The following VRK1 variants were observed in gnomAD, a reference collection of about 807,000 sequenced individuals.
VRK1 encodes the protein serine/threonine-protein kinase VRK1.
In VRK1, 33 loss-of-function variants were observed where a neutral mutation model predicts 57.1. The ratio of observed to expected loss-of-function variants is 0.58; its 90% confidence interval spans 0.44 to 0.77. The LOEUF is 0.77. Among genes scored for constraint, VRK1 ranks in the 30% least tolerant of loss-of-function variants. The probability of loss-of-function intolerance (pLI) is 0.00; values close to 1 mark genes in which losing one functional copy is unlikely to be tolerated. For synonymous variants in VRK1, 137 were observed against 147.8 expected (o/e 0.93, Z 0.53); for missense variants, 413 against 477.3 (o/e 0.87, Z 1.25).
intron 1 of VRK1, among the ~76,000 whole-genome samples, chr14:96,806,830 CCCTT>C (rs752668586): frequency 6.8e-6 from 1 of 147,774 alleles, no homozygotes; most frequent in Admixed American, 6.8e-5. Flanking sequence ...CTCCCTCCCT[CCCTT>C]CCTTCCCTCC....
intron 10 of VRK1, among the ~76,000 whole-genome samples, chr14:96,859,820 G>A (rs530732958): frequency 1.3e-5 from 2 of 152,254 alleles, no homozygotes; most frequent in South Asian, 2.1e-4. Flanking sequence ...GATAGGTCAA[G>A]AGTTTAGACG....
At chr14:96,816,653 GGTAGA>G (rs1303608127) in intron 1 of VRK1, among the ~76,000 whole-genome samples, 1 of 152,118 alleles carries the variant, frequency 6.6e-6, no homozygotes, top group African/African-American at 2.4e-5. Flanking sequence ...ATTGATAACA[GGTAGA>G]GTAATTTGAG....
chr14:96,801,964 G>T (rs1210890015), intron 1 of VRK1, among the ~76,000 whole-genome samples: 1 of 152,032 alleles, frequency 6.6e-6, no homozygotes, highest in Non-Finnish European at 1.5e-5. Flanking sequence ...CACTCATGTT[G>T]TTCAAGGGTC....
chr14:96,857,975 A>C lies in VRK1; in HGVS notation c.889+1389A>C, dbSNP rs146498833. Among the ~76,000 whole-genome samples, 662 of 152,298 alleles carry C rather than the reference A, an allele frequency of 4.3e-3. 1 individual carries two copies. Among genetic ancestry groups the C allele is most frequent in the Non-Finnish European group, 6.8e-3 (462 of 68,022 alleles). On this transcript the variant is annotated intron_variant, in intron 10 of 12. Coordinates refer to ENST00000216639, the MANE Select transcript of VRK1 (RefSeq NM_003384.3). ...ATATGTAACAATTCCTGTCCTCTTG[A>C]AATTATTGTTTACTTCTGTTAGTGT...
intron 5 of VRK1, among the ~76,000 whole-genome samples, chr14:96,848,390 C>T (rs1332177788): frequency 6.6e-6 from 1 of 152,048 alleles, no homozygotes; most frequent in Non-Finnish European, 1.5e-5. Context: ...CATTGACTGG[C>T]AAGGACAAAG....
chr14:96,836,169 C>A (rs1566698229), intron 2 of VRK1, among the ~76,000 whole-genome samples: 1 of 151,990 alleles, frequency 6.6e-6, no homozygotes, highest in Non-Finnish European at 1.5e-5. Flanking sequence ...TTGTACCAAG[C>A]CTTTGAAAAA....
Position 96,856,514 on chromosome 14 carries a change from T to G in VRK1, c.831-14T>G. 1 of 1,607,992 alleles carries G rather than the reference T, an allele frequency of 6.2e-7. No individual in the cohort carries two copies. Reference sequence around the variant, plus strand: ...ACATCAAGCTTCAGTGACTCATTCTTTAATTTTTAACAGATACAGAGAAAA... The same window carrying G: ...ACATCAAGCTTCAGTGACTCATTCTGTAATTTTTAACAGATACAGAGAAAA... On this transcript the variant is annotated splice_polypyrimidine_tract_variant and intron_variant, in intron 9 of 12. Transcript: ENST00000216639.
chr14:96,845,007 C>A (rs989907582), intron 3 of VRK1, among the ~76,000 whole-genome samples: 5 of 152,108 alleles, frequency 3.3e-5, no homozygotes, highest in Admixed American at 2.0e-4. Context: ...TCTCTAGCAA[C>A]CCAAAACTAT....
At chr14:96,875,905 C>T in intron 11 of VRK1, 125 bp from the exon 12 acceptor site, 1 of 976,936 alleles carries the variant, frequency 1.0e-6, no homozygotes. Context: ...GAATATTCTT[C>T]CTGTGTGTTT....
chr14:96,838,770 C>G (rs7153135), intron 3 of VRK1, among the ~76,000 whole-genome samples: 150,963 of 152,316 alleles, frequency 0.99, 74,829 homozygotes, highest in East Asian at 1. Flanking sequence ...TCAGGAATTA[C>G]AATTACTCTG....
chr14:96,860,477 AC>A (rs1393902615), intron 10 of VRK1, 79 bp from the exon 11 acceptor site: 2 of 1,373,528 alleles, frequency 1.5e-6, no homozygotes, highest in East Asian at 5.0e-5. Flanking sequence ...TTCTAACTTT[AC>A]TATAACCATG....
At chr14:96,802,152 T>C (rs1885687541) in intron 1 of VRK1, among the ~76,000 whole-genome samples, 1 of 152,238 alleles carries the variant, frequency 6.6e-6, no homozygotes, top group Admixed American at 6.5e-5. Context: ...CTTTCATATG[T>C]TGCTGGTAGG....
intron 8 of VRK1, among the ~76,000 whole-genome samples, chr14:96,855,836 T>TC (rs1888132581): frequency 2.6e-5 from 4 of 152,190 alleles, no homozygotes; most frequent in African/African-American, 9.6e-5. Flanking sequence ...AAGAATATCT[T>TC]CAAGTTTTCC....
chr14:96,803,673 A>AG (rs1322473542), intron 1 of VRK1, among the ~76,000 whole-genome samples: 4 of 152,140 alleles, frequency 2.6e-5, no homozygotes, highest in Non-Finnish European at 5.9e-5. Context: ...TCACAGATGA[A>AG]GGGGGTGCTG....
intron 1 of VRK1, among the ~76,000 whole-genome samples, chr14:96,813,445 T>C (rs1886280356): frequency 1.3e-5 from 2 of 152,220 alleles, no homozygotes; most frequent in Non-Finnish European, 2.9e-5. Context: ...GCATATTTTA[T>C]ATGTATTATT....
At chr14:96,829,919 G>C (rs1193155687) in intron 1 of VRK1, among the ~76,000 whole-genome samples, 1 of 151,994 alleles carries the variant, frequency 6.6e-6, no homozygotes, top group Admixed American at 6.6e-5. Context: ...CTTCTACTGG[G>C]CTTCTTCTCT....
intron 12 of VRK1, among the ~76,000 whole-genome samples, chr14:96,878,312 A>C (rs1889120355): frequency 6.6e-6 from 1 of 152,196 alleles, no homozygotes. Context: ...TTGTTTTTTT[A>C]ATTTTTAAGA....
At chr14:96,868,647 T>TA (rs1888679439) in intron 11 of VRK1, among the ~76,000 whole-genome samples, 1 of 152,228 alleles carries the variant, frequency 6.6e-6, no homozygotes. Flanking sequence ...TTTGGTGTCA[T>TA]ATAAATGTCT....
At chr14:96,834,526 A>AC (rs1346492047) in intron 2 of VRK1, among the ~76,000 whole-genome samples, 1 of 152,104 alleles carries the variant, frequency 6.6e-6, no homozygotes, top group Admixed American at 6.5e-5. Context: ...AAGTTTGAGA[A>AC]CCACTGGTTG....
Sources: allele counts gnomAD v4.1 joint callset (sites outside exome capture counted in the v4.1 genomes callset), GRCh38; gene constraint gnomAD v4.1.1; transcripts MANE v1.5; gene names NCBI Gene and HGNC (gene_info 2026-07-23, HGNC 2026-07-21).